Variants in C4orf33 observed in about 807,000 individuals in gnomAD.
The protein encoded by C4orf33 is UPF0462 protein C4orf33.
C4orf33 carries 20 observed loss-of-function variants against 24.3 expected under a neutral mutation model. The ratio of observed to expected loss-of-function variants is 0.82; its 90% CI spans 0.58 to 1.19. The LOEUF is 1.19. Ranked by LOEUF, C4orf33 falls within the 50% of genes most tolerant of loss-of-function variation. The probability of loss-of-function intolerance (pLI) is 0.00; values close to 1 mark genes in which losing one functional copy is unlikely to be tolerated. For missense variants in C4orf33, 207 were observed against 225.9 expected, an observed-to-expected ratio of 0.92 and a Z score of 0.54; for synonymous variants, 67 against 76.4, an observed-to-expected ratio of 0.88 and a Z score of 0.64.
intron 1 of C4orf33, among the ~76,000 whole-genome samples, chr4:129,096,551 A>T (rs1247777568): frequency 6.6e-6 from 1 of 151,998 alleles, no homozygotes. Context: ...CTTTGCGGAC[A>T]TTTTTTCTTT....
upstream of C4orf33, among the ~76,000 whole-genome samples, chr4:129,095,194 A>G (rs904928787): frequency 2.0e-5 from 3 of 152,204 alleles, no homozygotes; most frequent in African/African-American, 7.2e-5. Flanking sequence ...AAGTTTCATC[A>G]TTAGGAAACA....
chr4:129,095,096 T>A (rs1033578115), upstream of C4orf33, among the ~76,000 whole-genome samples: 14 of 152,200 alleles, frequency 9.2e-5, no homozygotes, highest in Non-Finnish European at 1.9e-4. Context: ...ATGATCATAA[T>A]TATGATCATG....
At chr4:129,095,014 T>C (rs1004235564), upstream of C4orf33, among the ~76,000 whole-genome samples, 6 of 152,228 alleles carry the variant, frequency 3.9e-5, no homozygotes, top group South Asian at 2.1e-4. Context: ...CTATAACTGA[T>C]GAGTGGTATT....
chr4:129,109,519 G>A lies in C4orf33; in HGVS notation c.341G>A (p.Trp114Ter), dbSNP rs1023868736. The A allele has an allele frequency of 1.9e-6, 3 of 1,613,848 alleles. No individual in the cohort carries two copies. The highest frequency in any genetic ancestry group is 1.7e-6 in the Non-Finnish European group (2 of 1,179,774). ...AGAATGTCCAGAGGAGAGACAAAAT[G>A]GGAAGGCAAAGCTTATCTCCCTTGG... ...SFRMSRGETK[W>*]EGKAYLPWSY... The change falls in exon 5 of 6, where the codon TGG becomes TAG. Residue 114 changes from tryptophan to a stop codon, truncating the protein, a stop_gained. Coordinates refer to ENST00000425929, the MANE Select transcript of C4orf33 (RefSeq NM_001099783.2). LOFTEE classifies it high-confidence loss of function.
chr4:129,101,786 C>CT (rs1414617786), intron 1 of C4orf33, among the ~76,000 whole-genome samples: 2 of 152,084 alleles, frequency 1.3e-5, no homozygotes, highest in African/African-American at 4.8e-5. Flanking sequence ...GCAAAAACTG[C>CT]TTTTTTGTAG....
intron 3 of C4orf33, 26 bp from the exon 4 acceptor site, chr4:129,109,281 C>A: frequency 6.2e-7 from 1 of 1,604,700 alleles, no homozygotes; most frequent in Non-Finnish European, 8.5e-7. Context: ...TTTTCAAACA[C>A]TCATGAGGAA....
At chr4:129,106,719 A>G (rs968570808) in intron 3 of C4orf33, 72 bp downstream of exon 3, 9 of 783,936 alleles carry the variant, frequency 1.1e-5, no homozygotes, top group African/African-American at 1.1e-4. Flanking sequence ...TATAAATGAT[A>G]TAGTAAAAGC....
At chr4:129,107,292 C>A (rs1753547666) in intron 3 of C4orf33, among the ~76,000 whole-genome samples, 1 of 151,966 alleles carries the variant, frequency 6.6e-6, no homozygotes, top group South Asian at 2.1e-4. Context: ...TCTTGGGAAT[C>A]CTGTTTACCT....
intron 3 of C4orf33, among the ~76,000 whole-genome samples, chr4:129,107,965 TA>T (rs1275509304): frequency 1.3e-5 from 2 of 152,112 alleles, no homozygotes; most frequent in Non-Finnish European, 1.5e-5. Flanking sequence ...TTTTAAAGGT[TA>T]AAAAAATTCA....
Position 129,116,010 on chromosome 4 carries a change from A to AT in C4orf33, c.*4225dup, listed in dbSNP as rs1229531440. 6.6e-6 allele frequency: 1 copy of AT among 151,262 alleles called. No individual in the cohort carries two copies. Among genetic ancestry groups the AT allele is most frequent in the Non-Finnish European group, 1.5e-5 (1 of 67,798 alleles). 9.4% of individuals were successfully genotyped at this position (151,262 alleles called of 1,614,324 possible). A position where few individuals can be genotyped will look rare whatever the true frequency, so the allele number is the denominator to read the frequency against. On this transcript the variant is annotated 3_prime_UTR_variant, in exon 6 of 6. Coordinates refer to ENST00000425929, the MANE Select transcript of C4orf33 (RefSeq NM_001099783.2). ...TTATAAAATTGACTATTGTAACTCT[A>AT]TTTTTTACCAACTATCATTTTTCAT...
Position 129,115,385 on chromosome 4 carries a change from T to C in C4orf33, c.*3594T>C, listed in dbSNP as rs556599492. ...CTAGATTTCTGTATTAGTGCTTTTC[T>C]GACACCTCAGTTATGTGGAACACCT... On this transcript the variant is annotated 3_prime_UTR_variant, in exon 6 of 6. Coordinates refer to ENST00000425929, the MANE Select transcript of C4orf33 (RefSeq NM_001099783.2). 1 of 152,330 alleles carries C rather than the reference T, an allele frequency of 6.6e-6. No homozygotes were observed. The highest frequency in any genetic ancestry group is 2.1e-4 in the South Asian group (1 of 4,826). The allele number at this position is 152,330 out of a possible 1,614,324, so 9.4% of individuals were successfully genotyped here.
At chr4:129,098,187 A>T (rs1753255434) in intron 1 of C4orf33, among the ~76,000 whole-genome samples, 1 of 152,136 alleles carries the variant, frequency 6.6e-6, no homozygotes, top group Non-Finnish European at 1.5e-5. Context: ...CTTTTATTTT[A>T]GATCCAGGGT....
intron 1 of C4orf33, among the ~76,000 whole-genome samples, chr4:129,096,979 T>C (rs1699395): frequency 6.6e-6 from 1 of 152,158 alleles, no homozygotes; most frequent in South Asian, 2.1e-4. Context: ...GAGCGATCTC[T>C]GCTCACTGCA....
chr4:129,099,976 G>A (rs1472895416), intron 1 of C4orf33, among the ~76,000 whole-genome samples: 1 of 151,758 alleles, frequency 6.6e-6, no homozygotes, highest in Non-Finnish European at 1.5e-5. Context: ...AGTTGTTTAT[G>A]CAATTAAAGC....
In C4orf33 at chr4:129,111,818, T is replaced by A. The variant is rs1753699911; in HGVS notation, c.*27T>A. On this transcript the variant is annotated 3_prime_UTR_variant, in exon 6 of 6. Coordinates refer to ENST00000425929, the MANE Select transcript of C4orf33 (RefSeq NM_001099783.2). Reference sequence around the variant, plus strand: ...AGTAATAGATAACCATACCGATCATTTTTTCCTCTATACCTTTTAAGATAA... The same window carrying A: ...AGTAATAGATAACCATACCGATCATATTTTCCTCTATACCTTTTAAGATAA... 1 of 1,330,364 alleles carries A rather than the reference T, an allele frequency of 7.5e-7. No homozygotes were observed. The highest frequency in any genetic ancestry group is 1.5e-5 in the African/African-American group (1 of 68,602). 82.4% of individuals were successfully genotyped at this position (1,330,364 alleles called of 1,614,324 possible). A position where few individuals can be genotyped will look rare whatever the true frequency, so the allele number is the denominator to read the frequency against.
rs1235785444 is a variant in C4orf33 at position 129,114,260 on chromosome 4, G to A, written c.*2469G>A. ...GTGTGAAGGGACTAAAACACCCCATGGGGCACCTCTTGACCAAAGAGGGTG... is the reference window on the plus strand; with the variant it reads ...GTGTGAAGGGACTAAAACACCCCATAGGGCACCTCTTGACCAAAGAGGGTG... On this transcript the variant is annotated 3_prime_UTR_variant, in exon 6 of 6. Transcript: ENST00000425929. 6.6e-6 allele frequency: 1 copy of A among 152,108 alleles called. No homozygotes were observed. The highest frequency in any genetic ancestry group is 1.5e-5 in the Non-Finnish European group (1 of 68,030). The allele number at this position is 152,108 out of a possible 1,614,324, so 9.4% of individuals were successfully genotyped here.
intron 5 of C4orf33, among the ~76,000 whole-genome samples, chr4:129,110,425 CCTTATGAATG>C (rs1753662378): frequency 1.3e-5 from 2 of 152,166 alleles, no homozygotes; most frequent in African/African-American, 4.8e-5. Flanking sequence ...TCCTGGCCAG[CCTTATGAATG>C]CTTCATGGAC....
At chr4:129,104,450 C>G (rs1445656020) in intron 2 of C4orf33, among the ~76,000 whole-genome samples, 1 of 152,196 alleles carries the variant, frequency 6.6e-6, no homozygotes. Context: ...CTTTTCCTCT[C>G]AAGGTAAGTT....
At chr4:129,108,324 T>C (rs1232520882) in intron 3 of C4orf33, among the ~76,000 whole-genome samples, 2 of 152,178 alleles carry the variant, frequency 1.3e-5, no homozygotes, top group Non-Finnish European at 2.9e-5. Context: ...ATACATGAAA[T>C]CCTTTGGTTC....
Sources: gnomAD v4.1 joint callset for allele counts (sites outside exome capture counted in the v4.1 genomes callset) on GRCh38, gnomAD v4.1.1 for gene constraint, MANE v1.5 for transcripts, NCBI Gene and HGNC (gene_info 2026-07-23, HGNC 2026-07-21) for gene names.